EP400: variants seen among roughly 807,000 people sequenced by gnomAD.
EP400 encodes the protein E1A binding protein p400, also known as E1A-binding protein p400.
A neutral mutation model predicts 354.1 loss-of-function variants in EP400; 105 were observed. That is an observed-to-expected ratio of 0.30 (90% CI 0.25 to 0.35). The LOEUF (loss-of-function observed/expected upper bound fraction) is 0.35. EP400 is among the 10% of genes least tolerant of loss of function. The pLI is 1.00. For synonymous variants in EP400, 1,646 were observed against 1,716.9 expected, an observed-to-expected ratio of 0.96 and a Z score of 1.02; for missense variants, 3,280 against 4,121.0, an observed-to-expected ratio of 0.80 and a Z score of 5.59.
intron 12 of EP400, 122 bp downstream of exon 12, chr12:131,995,078 C>T (rs1464893924): frequency 2.2e-6 from 2 of 893,778 alleles, no homozygotes; most frequent in African/African-American, 3.4e-5. Context: ...GGAAAACAGT[C>T]CCTGTGTGCC....
intron 12 of EP400, among the ~76,000 whole-genome samples, chr12:131,995,479 T>C (rs1339585006): frequency 1.3e-5 from 2 of 149,836 alleles, no homozygotes; most frequent in Non-Finnish European, 2.9e-5. Context: ...GTGTGAGAAC[T>C]TCATGTGAAT....
chr12:132,030,244 T>C, intron 29 of EP400, 86 bp downstream of exon 29: 1 of 1,469,228 alleles, frequency 6.8e-7, no homozygotes, highest in Non-Finnish European at 9.3e-7. Flanking sequence ...AGTGGTCTCA[T>C]GGCCCTTCTA....
At chr12:131,981,913 A>ACTT (rs1248860687) in intron 4 of EP400, among the ~76,000 whole-genome samples, 180 bp from the exon 5 acceptor site, 1 of 151,934 alleles carries the variant, frequency 6.6e-6, no homozygotes, top group Admixed American at 6.6e-5. Flanking sequence ...CTTGATGCTG[A>ACTT]CTTGCAAAGG....
rs1338421900 is a variant in EP400, at chr12:132,027,439, G to A, written c.5017G>A (p.Gly1673Ser). The A allele has an allele frequency of 1.2e-6, 2 of 1,614,054 alleles. No individual in the cohort carries two copies. The highest frequency in any genetic ancestry group is 2.2e-5 in the East Asian group (1 of 44,882). Residue 1673 changes from glycine to serine, a missense_variant and splice_region_variant, in exon 26 of 53, where the codon GGC becomes AGC. Gly to Ser is a moderately conservative substitution (Grantham distance 56). Transcript: ENST00000389561. This position sits in a 1 kb window ranked among gnomAD's most constrained non-coding sequence, Gnocchi z 4.9. Reference protein sequence around the residue: ...PSPAPLTPQVGVPGRVAVNAL... With the variant: ...PSPAPLTPQVSVPGRVAVNAL... Reference sequence around the variant, plus strand: ...CCTCTTCCTTTATGCATTTGTAGTTGGCGTTCCGGGCCGCGTGGCGGTGAA... The same window carrying A: ...CCTCTTCCTTTATGCATTTGTAGTTAGCGTTCCGGGCCGCGTGGCGGTGAA...
chr12:132,018,733 C>T lies in EP400; in HGVS notation c.4277+357C>T, dbSNP rs1414343203. Among the ~76,000 whole-genome samples, 1 of 152,134 alleles carries T rather than the reference C, an allele frequency of 6.6e-6. No individual in the cohort carries two copies. The highest frequency in any genetic ancestry group is 2.4e-5 in the African/African-American group (1 of 41,402). On this transcript the variant is annotated intron_variant, in intron 21 of 52. Coordinates refer to ENST00000389561, the MANE Select transcript of EP400 (RefSeq NM_015409.5). The surrounding 1 kb of genome is among the most constrained non-coding windows in gnomAD (Gnocchi z 4.0). ...TGGCAGGCAGAGGACTCCACCCCCA[C>T]GGTGATGTCATTGTCTTAACAAGTG...
Position 132,025,527 on chromosome 12 carries a change from T to G in EP400, c.4856-119T>G. On this transcript the variant is annotated intron_variant, in intron 24 of 52. Transcript: ENST00000389561. This position sits in a 1 kb window ranked among gnomAD's most constrained non-coding sequence, Gnocchi z 4.1. The stretch of plus-strand genomic sequence containing the variant: ...GTAACTGAACTTTGCATTGATTTTT[T>G]TGTGTAGATTTGATTTTCAGTTTGT... 2 of 1,212,016 alleles carry G rather than the reference T, an allele frequency of 1.7e-6. No homozygotes were observed. Among genetic ancestry groups the G allele is most frequent in the Non-Finnish European group, 2.2e-6 (2 of 897,390 alleles). The allele number at this position is 1,212,016 out of a possible 1,614,324, so 75.1% of individuals were successfully genotyped here.
At chr12:132,044,456 T>C (rs1368145353) in intron 35 of EP400, 145 bp downstream of exon 35, 12 of 1,314,470 alleles carry the variant, frequency 9.1e-6, no homozygotes, top group Middle Eastern at 2.7e-4. Flanking sequence ...CAACCTCACT[T>C]ATGTTCTAAA....
intron 2 of EP400, among the ~76,000 whole-genome samples, chr12:131,977,570 G>A (rs183511950): frequency 4.6e-5 from 7 of 151,250 alleles, no homozygotes; most frequent in Non-Finnish European, 1.0e-4. Context: ...GTTCATTATA[G>A]AACATTTGGG....
rs769991586 is a variant in EP400, at chr12:132,062,178, A to C, written c.7953A>C (p.Pro2651=). The C allele has an allele frequency of 2.5e-6, 4 of 1,613,896 alleles. No homozygotes were observed. The highest frequency in any genetic ancestry group is 3.4e-6 in the Non-Finnish European group (4 of 1,179,982). The change falls in exon 46 of 53, where the codon CCA becomes CCC. Residue 2651 remains proline, a synonymous_variant. Coordinates refer to ENST00000389561, the MANE Select transcript of EP400 (RefSeq NM_015409.5). ...TQPPPRAVGS[P]ATATPDLVSM... ...CCCCGCCACGGGCAGTCGGCTCCCC[A>C]GCCACGGCGACCCCTGACCTGGTGT...
At chr12:132,000,089 A>G (rs1048244488) in intron 12 of EP400, among the ~76,000 whole-genome samples, 1 of 151,296 alleles carries the variant, frequency 6.6e-6, no homozygotes, top group African/African-American at 2.4e-5. Flanking sequence ...TTGGATGACT[A>G]GCTTCCTAAT....
chr12:131,987,673 C>T lies in EP400; in HGVS notation c.2224-32C>T, dbSNP rs117257603. 12,230 of 1,527,546 alleles carry T rather than the reference C, an allele frequency of 8.0e-3. 70 individuals carry two copies. The highest frequency in any genetic ancestry group is 9.9e-3 in the Non-Finnish European group (11,259 of 1,132,396). 94.6% of individuals were successfully genotyped at this position (1,527,546 alleles called of 1,614,324 possible). A position where few individuals can be genotyped will look rare whatever the true frequency, so the allele number is the denominator to read the frequency against. On this transcript the variant is annotated intron_variant, in intron 6 of 52. Transcript: ENST00000389561. ...TTGGTGGAACACACTCATCACATGC[C>T]GACCCCACCATCCCCCATGTATCAT...
In EP400 at chr12:132,054,955, A is replaced by T. The variant is rs767957447; in HGVS notation, c.7729-19A>T. 3.2e-6 allele frequency: 4 copies of T among 1,245,208 alleles called. No homozygotes were observed. In the East Asian group the frequency reaches 1.1e-4, roughly 34 times the overall value. 77.1% of individuals were successfully genotyped at this position (1,245,208 alleles called of 1,614,324 possible). On this transcript the variant is annotated intron_variant, in intron 43 of 52. Transcript: ENST00000389561. This position sits in a 1 kb window ranked among gnomAD's most constrained non-coding sequence, Gnocchi z 4.0. ...AGAGCCTGACGTGAAATTCAAATGG[A>T]TTTTTTTTTTTTAAATAGGCAGGAA... is the stretch of plus-strand genomic sequence containing the variant.
chr12:132,022,252 G>C (rs1475142845), intron 23 of EP400, among the ~76,000 whole-genome samples: 3 of 152,242 alleles, frequency 2.0e-5, no homozygotes, highest in Non-Finnish European at 4.4e-5. Flanking sequence ...TGCCAGAGGA[G>C]CTGTTCTTTG....
chr12:132,051,794 T>C (rs927313798), intron 41 of EP400, among the ~76,000 whole-genome samples: 4 of 151,926 alleles, frequency 2.6e-5, no homozygotes, highest in Non-Finnish European at 4.4e-5. Flanking sequence ...GGAGTAGAGT[T>C]TTCTCTAAAC....
At chr12:132,069,455 G>T (rs758215809) in intron 50 of EP400, 40 bp from the exon 51 acceptor site, 1 of 1,603,856 alleles carries the variant, frequency 6.2e-7, no homozygotes, top group East Asian at 2.2e-5. Flanking sequence ...CTTGAGCGCG[G>T]CATGGTCTCT....
intron 45 of EP400, among the ~76,000 whole-genome samples, chr12:132,058,497 G>C (rs1009031608): frequency 2.6e-5 from 4 of 151,254 alleles, no homozygotes; most frequent in Non-Finnish European, 4.4e-5. Flanking sequence ...GATTACAGGT[G>C]CCCGCCACCG....
Position 132,064,816 on chromosome 12 carries a change from C to T in EP400, c.8483C>T (p.Thr2828Met), listed in dbSNP as rs1895836173. The T allele has an allele frequency of 2.5e-6, 4 of 1,612,466 alleles. No individual in the cohort carries two copies. The highest frequency in any genetic ancestry group is 3.4e-6 in the Non-Finnish European group (4 of 1,179,788). The change falls in exon 48 of 53, where the codon ACG becomes ATG. Residue 2828 changes from threonine (T) to methionine (M), a missense_variant. This residue lies in a region of EP400 where 86 missense variants were observed against 66.4 expected (regional missense o/e 1.29). Coordinates refer to ENST00000389561, the MANE Select transcript of EP400 (RefSeq NM_015409.5). The part of the protein sequence containing the change: ...PPQQQSPQLT[T>M]VTAPRPGALL... ...CAGCAGCAGAGCCCCCAGCTCACGACGGTCACGGCCCCAAGGCCTGGTGCC... is the reference window on the plus strand; with the variant it reads ...CAGCAGCAGAGCCCCCAGCTCACGATGGTCACGGCCCCAAGGCCTGGTGCC...
intron 30 of EP400, among the ~76,000 whole-genome samples, chr12:132,034,244 A>G (rs1894617445): frequency 6.6e-6 from 1 of 152,222 alleles, no homozygotes; most frequent in Non-Finnish European, 1.5e-5. Flanking sequence ...CTCAGTATCA[A>G]TAAAGTCTCA....
chr12:131,963,346 T>G (rs771607688), intron 2 of EP400, among the ~76,000 whole-genome samples: 1 of 152,246 alleles, frequency 6.6e-6, no homozygotes, highest in Non-Finnish European at 1.5e-5. Context: ...CTGCAAGGTT[T>G]GCAGTTTGAG....
Sources: allele counts gnomAD v4.1 joint callset (sites outside exome capture counted in the v4.1 genomes callset), GRCh38; gene constraint gnomAD v4.1.1; regional missense constraint gnomAD v4.1.1; non-coding constraint Gnocchi (gnomAD v3.1); transcripts MANE v1.5; gene names NCBI Gene and HGNC (gene_info 2026-07-23, HGNC 2026-07-21).